Variants in GPAT4 observed in about 807,000 individuals in gnomAD.
The protein encoded by GPAT4 is 1-AGP acyltransferase 6.
In GPAT4, 17 loss-of-function variants were observed where a neutral mutation model predicts 58.0. The ratio of observed to expected loss-of-function variants is 0.29; its 90% CI spans 0.20 to 0.44. GPAT4 has a LOEUF of 0.44. Ranked by LOEUF, GPAT4 falls within the 20% of genes least tolerant of loss-of-function variation. GPAT4 has a pLI of 1.00. For missense variants in GPAT4, 377 were observed against 574.5 expected (o/e 0.66, Z 3.51); for synonymous variants, 204 against 210.1 (o/e 0.97, Z 0.25).
chr8:41,611,306 CT>C (rs1221603380), intron 5 of GPAT4, among the ~76,000 whole-genome samples: 1 of 152,266 alleles, frequency 6.6e-6, no homozygotes, highest in East Asian at 1.9e-4. Flanking sequence ...TATGACTGTT[CT>C]TTTTGTCCTT....
intron 1 of GPAT4, among the ~76,000 whole-genome samples, chr8:41,594,870 T>C (rs1300619298): frequency 6.6e-6 from 1 of 152,114 alleles, no homozygotes. Context: ...AACGACCAGT[T>C]ATTTTATTTC....
At chr8:41,608,223 G>C (rs936865243) in intron 2 of GPAT4, among the ~76,000 whole-genome samples, 2 of 152,192 alleles carry the variant, frequency 1.3e-5, no homozygotes, top group Admixed American at 1.3e-4. Context: ...TTAAACTCGC[G>C]TGCAGCATTC....
chr8:41,610,687 T>C (rs1241560851), intron 4 of GPAT4, 49 bp from the exon 5 acceptor site: 1 of 1,595,484 alleles, frequency 6.3e-7, no homozygotes, highest in Non-Finnish European at 8.5e-7. Flanking sequence ...AGTTCTGTAC[T>C]TGGTAGAATG....
At chr8:41,592,683 T>C (rs1447878060) in intron 1 of GPAT4, among the ~76,000 whole-genome samples, 1 of 152,186 alleles carries the variant, frequency 6.6e-6, no homozygotes, top group South Asian at 2.1e-4. Flanking sequence ...CAAAAACATT[T>C]CATGTTTTTC....
chr8:41,601,401 A>C (rs1435648929), intron 2 of GPAT4, among the ~76,000 whole-genome samples: 1 of 152,196 alleles, frequency 6.6e-6, no homozygotes, highest in Non-Finnish European at 1.5e-5. Flanking sequence ...ATTTTAGTCC[A>C]AGAAAATCTC....
intron 12 of GPAT4, among the ~76,000 whole-genome samples, chr8:41,619,915 C>G (rs937650812): frequency 5.9e-5 from 9 of 152,346 alleles, no homozygotes; most frequent in African/African-American, 2.2e-4. Context: ...GTGATCGTCT[C>G]TTTCGCCCTC....
At position 41,587,091 on chromosome 8, in the gene GPAT4, G is replaced by C. The variant is rs549852392; in HGVS notation, c.-849+8813G>C. Among the ~76,000 whole-genome samples, 26 of 152,320 alleles carry C rather than the reference G, an allele frequency of 1.7e-4. No individual in the cohort carries two copies. The South Asian group carries it at 5.4e-3, about 32-fold the overall frequency. On this transcript the variant is annotated intron_variant, in intron 1 of 12. Transcript: ENST00000396987. ...CATGGATACCAACTGTCCTGATTCA[G>C]AATTACTGTGAGAGTCTCAGTTTTT...
At position 41,594,600 on chromosome 8, in the gene GPAT4, C is replaced by G. The variant is rs187177756; in HGVS notation, c.-848-3692C>G. 4.2e-4 allele frequency among the ~76,000 whole-genome samples: 60 copies of G among 141,818 alleles called. No homozygotes were observed. In the East Asian group the frequency reaches 5.6e-3, roughly 13 times the overall value. 93.0% of individuals were successfully genotyped at this position (141,818 alleles called of 152,430 possible). On this transcript the variant is annotated intron_variant, in intron 1 of 12. Coordinates refer to ENST00000396987, the MANE Select transcript of GPAT4 (RefSeq NM_178819.4). ...TCGCTCTGTCGCTCAGGCTGGAGTG[C>G]AGTGGTCCGATCTCGGCTCACTGCA...
At chr8:41,611,407 CTTG>C (rs1191273459) in intron 5 of GPAT4, among the ~76,000 whole-genome samples, 4 of 152,168 alleles carry the variant, frequency 2.6e-5, no homozygotes, top group South Asian at 2.1e-4. Flanking sequence ...GATTTTACAG[CTTG>C]TTGTTTAGTT....
intron 1 of GPAT4, among the ~76,000 whole-genome samples, chr8:41,597,683 T>C (rs934316983): frequency 2.6e-5 from 4 of 152,220 alleles, no homozygotes; most frequent in Non-Finnish European, 5.9e-5. Context: ...CTTAGGAGAC[T>C]GGTGAACTAA....
intron 1 of GPAT4, among the ~76,000 whole-genome samples, chr8:41,580,994 G>A (rs1191150422): frequency 2.0e-5 from 3 of 152,202 alleles, no homozygotes; most frequent in African/African-American, 7.2e-5. Flanking sequence ...TAAGCTATCT[G>A]GAGATGATTT....
chr8:41,610,296 T>C (rs2150501376), intron 4 of GPAT4: 2 of 1,228,842 alleles, frequency 1.6e-6, no homozygotes, highest in South Asian at 1.9e-5. Context: ...AGGGGCAGTA[T>C]TGATCTTTCA....
At chr8:41,590,001 T>C (rs1021360336) in intron 1 of GPAT4, among the ~76,000 whole-genome samples, 2 of 152,250 alleles carry the variant, frequency 1.3e-5, no homozygotes, top group Non-Finnish European at 2.9e-5. Context: ...TACGAGCGTT[T>C]ATCAAAACAC....
chr8:41,593,897 C>T (rs904600012), intron 1 of GPAT4, among the ~76,000 whole-genome samples: 1 of 152,152 alleles, frequency 6.6e-6, no homozygotes, highest in Non-Finnish European at 1.5e-5. Flanking sequence ...GAGAAATTTC[C>T]TTTAGCACCT....
intron 1 of GPAT4, among the ~76,000 whole-genome samples, chr8:41,579,158 C>T (rs998642520): frequency 1.3e-5 from 2 of 152,196 alleles, no homozygotes; most frequent in Non-Finnish European, 2.9e-5. Flanking sequence ...TGTAATAATG[C>T]CAATCAAATA....
At chr8:41,578,754 T>C (rs1363869476) in intron 1 of GPAT4, among the ~76,000 whole-genome samples, 3 of 152,244 alleles carry the variant, frequency 2.0e-5, no homozygotes, top group Non-Finnish European at 4.4e-5. Flanking sequence ...CATTTTTCTT[T>C]AGGATTTCTT....
chr8:41,612,078 C>T, intron 6 of GPAT4, 86 bp downstream of exon 6: 1 of 1,588,750 alleles, frequency 6.3e-7, no homozygotes, highest in Non-Finnish European at 8.6e-7. Context: ...GAAGACACTT[C>T]TGAGCTTTTA....
At chr8:41,619,161 G>A (rs1211997942) in intron 12 of GPAT4, 184 bp downstream of exon 12, 1 of 682,010 alleles carries the variant, frequency 1.5e-6, no homozygotes, top group East Asian at 2.7e-5. Context: ...GGGGAACCTG[G>A]ATCAGGGATG....
intron 1 of GPAT4, among the ~76,000 whole-genome samples, chr8:41,582,472 C>CACACACACAT (rs1294746631): frequency 6.6e-6 from 1 of 150,866 alleles, no homozygotes; most frequent in African/African-American, 2.4e-5. Flanking sequence ...CACACACACA[C>CACACACACAT]ACACATCTTT....
Sources: gnomAD v4.1 joint callset for allele counts (sites outside exome capture counted in the v4.1 genomes callset) on GRCh38, gnomAD v4.1.1 for gene constraint, MANE v1.5 for transcripts, NCBI Gene and HGNC (gene_info 2026-07-23, HGNC 2026-07-21) for gene names.